The following UNC13C variants were observed in gnomAD, a reference collection of about 807,000 sequenced individuals.
UNC13C encodes protein unc-13 homolog C.
Under a neutral mutation model 245.4 loss-of-function variants are expected in UNC13C, and 174 were observed. The observed-to-expected ratio is 0.71, with a 90% CI of 0.63 to 0.80. The LOEUF is 0.80. Among genes scored for constraint, UNC13C ranks in the 30% least tolerant of loss-of-function variants. The pLI is 0.00. For synonymous variants in UNC13C, 992 were observed against 895.1 expected (o/e 1.11, Z -1.93); for missense variants, 2,829 against 2,602.9 (o/e 1.09, Z -1.89).
chr15:54,081,798 A>G (rs570442459), intron 2 of UNC13C, among the ~76,000 whole-genome samples: 3 of 152,216 alleles, frequency 2.0e-5, no homozygotes, highest in Non-Finnish European at 4.4e-5. Flanking sequence ...TTCAAGGTTA[A>G]TATTGATATG....
intron 13 of UNC13C, chr15:54,321,659 C>T: frequency 2.7e-6 from 1 of 366,534 alleles, no homozygotes; most frequent in East Asian, 6.1e-5. Context: ...CAAAAACTGA[C>T]TTCGACATGA....
At chr15:54,418,524 T>A (rs2040567911) in intron 19 of UNC13C, among the ~76,000 whole-genome samples, 1 of 152,198 alleles carries the variant, frequency 6.6e-6, no homozygotes, top group East Asian at 1.9e-4. Flanking sequence ...TTTATCTATA[T>A]CTTATGAGCA....
intron 4 of UNC13C, among the ~76,000 whole-genome samples, chr15:54,204,662 G>T (rs1359591064): frequency 6.6e-6 from 1 of 151,862 alleles, no homozygotes; most frequent in African/African-American, 2.4e-5. Context: ...AAAATCTTAA[G>T]AAAAAGAACA....
At chr15:54,506,529 G>A (rs140316661) in intron 22 of UNC13C, among the ~76,000 whole-genome samples, 98 of 152,102 alleles carry the variant, frequency 6.4e-4, no homozygotes, top group African/African-American at 2.1e-3. Flanking sequence ...GTACTTCAAC[G>A]AAGTATTGAT....
chr15:54,022,358 G>A (rs981997772), intron 2 of UNC13C, among the ~76,000 whole-genome samples: 6 of 151,904 alleles, frequency 3.9e-5, no homozygotes, highest in Non-Finnish European at 7.4e-5. Flanking sequence ...CACCCAGGCT[G>A]GAGTACCTTG....
At chr15:54,545,320 C>CTAAGA in intron 26 of UNC13C, among the ~76,000 whole-genome samples, 1 of 152,114 alleles carries the variant, frequency 6.6e-6, no homozygotes, top group Admixed American at 6.6e-5. Context: ...AAGACTTAAA[C>CTAAGA]CTAAGACCTA....
intron 18 of UNC13C, among the ~76,000 whole-genome samples, chr15:54,400,939 T>C (rs1033411503): frequency 6.6e-6 from 1 of 152,066 alleles, no homozygotes; most frequent in Non-Finnish European, 1.5e-5. Flanking sequence ...CCATAAAAAG[T>C]GATGAGTTCA....
At chr15:54,137,933 C>CT (rs901860250) in intron 2 of UNC13C, among the ~76,000 whole-genome samples, 1 of 151,804 alleles carries the variant, frequency 6.6e-6, no homozygotes, top group Non-Finnish European at 1.5e-5. Flanking sequence ...TATTTGAGAT[C>CT]TTTTTTTAAA....
chr15:54,083,573 G>T (rs1246492171), intron 2 of UNC13C, among the ~76,000 whole-genome samples: 1 of 152,178 alleles, frequency 6.6e-6, no homozygotes, highest in Admixed American at 6.5e-5. Context: ...TGGGGTGGGG[G>T]TCGGGAAATA....
At chr15:53,987,543 GT>G (rs1276659050) in intron 1 of UNC13C, among the ~76,000 whole-genome samples, 1 of 151,882 alleles carries the variant, frequency 6.6e-6, no homozygotes, top group Admixed American at 6.6e-5. Context: ...TGTTGTTGTT[GT>G]TGTTGTTGTT....
intron 7 of UNC13C, among the ~76,000 whole-genome samples, chr15:54,239,274 T>C (rs1310689801): frequency 1.3e-5 from 2 of 152,216 alleles, no homozygotes; most frequent in Non-Finnish European, 2.9e-5. Context: ...AATGTCAATC[T>C]TTCCTGGGTT....
intron 28 of UNC13C, among the ~76,000 whole-genome samples, chr15:54,552,727 T>C (rs1239032674): frequency 1.3e-5 from 1 of 77,574 alleles, no homozygotes; most frequent in Non-Finnish European, 2.2e-5. Context: ...TTGTACAATA[T>C]ATAATATAAT....
At chr15:54,538,777 T>C (rs1391292203) in intron 26 of UNC13C, among the ~76,000 whole-genome samples, 1 of 151,996 alleles carries the variant, frequency 6.6e-6, no homozygotes, top group South Asian at 2.1e-4. Flanking sequence ...TTCTCACTTA[T>C]AAGTGAGAGC....
chr15:54,467,302 T>C (rs1013295992), intron 19 of UNC13C, among the ~76,000 whole-genome samples: 3 of 151,792 alleles, frequency 2.0e-5, no homozygotes, highest in African/African-American at 7.2e-5. Context: ...ATGATGGCTA[T>C]TTAAATCCAA....
At chr15:54,402,911 T>C (rs1383714781) in intron 18 of UNC13C, among the ~76,000 whole-genome samples, 1 of 152,236 alleles carries the variant, frequency 6.6e-6, no homozygotes, top group African/African-American at 2.4e-5. Flanking sequence ...TTCTATGTTT[T>C]AGAAATTAGG....
intron 19 of UNC13C, among the ~76,000 whole-genome samples, chr15:54,416,027 G>A (rs2040512870): frequency 6.6e-6 from 1 of 152,196 alleles, no homozygotes; most frequent in African/African-American, 2.4e-5. Context: ...AGGTGCATTT[G>A]AGAAGAGAGA....
intron 4 of UNC13C, among the ~76,000 whole-genome samples, chr15:54,224,439 A>C (rs868164807): frequency 6.6e-5 from 10 of 152,190 alleles, no homozygotes; most frequent in African/African-American, 1.9e-4. Context: ...ACACTGACTG[A>C]TTTGGGTATG....
intron 19 of UNC13C, among the ~76,000 whole-genome samples, chr15:54,440,489 A>G (rs1463753098): frequency 1.3e-5 from 2 of 151,944 alleles, no homozygotes; most frequent in Non-Finnish European, 2.9e-5. Context: ...ACATGATTTC[A>G]TTATTTTTTA....
At chr15:54,411,616 ATACTGT>A (rs71436278) in intron 18 of UNC13C, among the ~76,000 whole-genome samples, 17,681 of 152,162 alleles carry the variant, frequency 0.12, 1,236 homozygotes, top group Middle Eastern at 0.21. Context: ...CTTCACTGAC[ATACTGT>A]TACACATTGT....
Sources: allele counts gnomAD v4.1 joint callset (sites outside exome capture counted in the v4.1 genomes callset), GRCh38; gene constraint gnomAD v4.1.1; transcripts MANE v1.5; gene names NCBI Gene and HGNC (gene_info 2026-07-23, HGNC 2026-07-21).